The following ZNF541 variants were observed in gnomAD, a reference collection of about 807,000 sequenced individuals.
The protein encoded by ZNF541 is zinc finger protein 541.
In ZNF541, 23 loss-of-function variants were observed where a neutral mutation model predicts 123.5. That is an observed-to-expected ratio of 0.19 (90% CI 0.13 to 0.26). The LOEUF is 0.26. ZNF541 is among the 10% of genes least tolerant of loss of function. The probability of loss-of-function intolerance (pLI) is 1.00; values close to 1 mark genes in which losing one functional copy is unlikely to be tolerated. For synonymous variants in ZNF541, 751 were observed against 754.5 expected, an observed-to-expected ratio of 1.00 and a Z score of 0.08; for missense variants, 1,612 against 1,789.9, an observed-to-expected ratio of 0.90 and a Z score of 1.79.
rs1466510775 is a variant in ZNF541, at chr19:47,521,245, G to A, written c.4020C>T (p.Asp1340=). Residue 1340 remains aspartate (D), a synonymous_variant, in exon 17 of 17, where the codon GAC becomes GAT. Coordinates refer to ENST00000391901, the MANE Select transcript of ZNF541 (RefSeq NM_001277075.3). The surrounding 1 kb of genome is among the most constrained non-coding windows in gnomAD (Gnocchi z 4.2). ...FQLKEEELGA[D]IGPLQW is the part of the protein sequence containing the mutation. ...GGAGTCACCACTGCAGGGGGCCGATGTCAGCTCCCAGCTCCTCTTCCTTTA... is the reference window on the plus strand; with the variant it reads ...GGAGTCACCACTGCAGGGGGCCGATATCAGCTCCCAGCTCCTCTTCCTTTA... 1.9e-6 allele frequency: 3 copies of A among 1,551,622 alleles called. No individual in the cohort carries two copies. The highest frequency in any genetic ancestry group is 3.9e-5 in the Admixed American group (2 of 50,986).
At chr19:47,529,111 A>C (rs1599949909) in intron 13 of ZNF541, 73 bp from the exon 14 acceptor site, 4 of 1,119,600 alleles carry the variant, frequency 3.6e-6, no homozygotes. Flanking sequence ...AATGCAGACC[A>C]CCTTCCCATT....
chr19:47,550,881 C>T (rs947266887), intron 3 of ZNF541, among the ~76,000 whole-genome samples: 1 of 152,160 alleles, frequency 6.6e-6, no homozygotes, highest in Admixed American at 6.6e-5. Context: ...TGACCTCACA[C>T]CACTGGAAAC....
chr19:47,529,063 G>A (rs1279259423), intron 13 of ZNF541, 25 bp from the exon 14 acceptor site: 2 of 1,525,728 alleles, frequency 1.3e-6, no homozygotes, highest in South Asian at 1.2e-5. Flanking sequence ...AGCCAACAGG[G>A]GGAAGGCCAT....
chr19:47,522,275 T>G (rs377602030), intron 14 of ZNF541, among the ~76,000 whole-genome samples: 1 of 152,204 alleles, frequency 6.6e-6, no homozygotes, highest in Non-Finnish European at 1.5e-5. Flanking sequence ...GGCACAAAGG[T>G]TGCACCAGGG....
At chr19:47,557,201 G>T (rs564977473) in intron 2 of ZNF541, among the ~76,000 whole-genome samples, 1 of 152,178 alleles carries the variant, frequency 6.6e-6, no homozygotes, top group African/African-American at 2.4e-5. Context: ...CTGCCCTGCC[G>T]TCTGGGACCT....
At chr19:47,532,069 C>A (rs1969598552) in intron 11 of ZNF541, 59 bp downstream of exon 11, 2 of 1,540,610 alleles carry the variant, frequency 1.3e-6, no homozygotes, top group African/African-American at 2.7e-5. Flanking sequence ...AGGAAAAACA[C>A]CCTGGAAATG....
Position 47,571,902 on chromosome 19 carries a change from A to G in ZNF541, c.-105T>C, listed in dbSNP as rs569345427. On this transcript the variant is annotated 5_prime_UTR_variant, in exon 2 of 17. Coordinates refer to ENST00000391901, the MANE Select transcript of ZNF541 (RefSeq NM_001277075.3). Reference sequence around the variant, plus strand: ...GCAAAGGAAGGAAACTCACCAGAAGAGCAAGTTAGTGAATCTCCAGGGAAC... The same window carrying G: ...GCAAAGGAAGGAAACTCACCAGAAGGGCAAGTTAGTGAATCTCCAGGGAAC... 3.9e-5 allele frequency among the ~76,000 whole-genome samples: 6 copies of G among 152,336 alleles called. No individual in the cohort carries two copies. In the South Asian group the frequency reaches 1.0e-3, roughly 26 times the overall value.
chr19:47,543,392 T>C (rs1464730734), intron 5 of ZNF541, among the ~76,000 whole-genome samples: 1 of 152,008 alleles, frequency 6.6e-6, no homozygotes, highest in Non-Finnish European at 1.5e-5. Flanking sequence ...AACCAGTGAA[T>C]AATTATCAAT....
chr19:47,568,771 CAA>C lies in ZNF541; in HGVS notation c.-99+3123_-99+3124del, dbSNP rs143053146. ...CATTGCAACCTCCGCCTCCTGGGTTCAAGTGATTTTCCTCCTCAACCTTCCGA... is the reference window on the plus strand; with the variant it reads ...CATTGCAACCTCCGCCTCCTGGGTTCGTGATTTTCCTCCTCAACCTTCCGA... On this transcript the variant is annotated intron_variant, in intron 2 of 16. Coordinates refer to ENST00000391901, the MANE Select transcript of ZNF541 (RefSeq NM_001277075.3). 5.4e-3 allele frequency among the ~76,000 whole-genome samples: 829 copies of C among 152,216 alleles called. 5 individuals are homozygous for C. The highest frequency in any genetic ancestry group is 9.5e-3 in the Non-Finnish European group (643 of 68,018).
chr19:47,522,370 C>A (rs573561808), intron 14 of ZNF541, among the ~76,000 whole-genome samples: 32 of 148,150 alleles, frequency 2.2e-4, no homozygotes, highest in African/African-American at 8.3e-4. Flanking sequence ...CTAGGCAGAG[C>A]CTCTAAAGTC....
chr19:47,554,232 A>T (rs1970721784), intron 3 of ZNF541, among the ~76,000 whole-genome samples: 2 of 152,164 alleles, frequency 1.3e-5, no homozygotes, highest in Non-Finnish European at 2.9e-5. Context: ...TCAGTTCGAG[A>T]CCAGACTGGG....
chr19:47,547,564 T>A (rs1426860606), intron 4 of ZNF541, among the ~76,000 whole-genome samples: 1 of 152,106 alleles, frequency 6.6e-6, no homozygotes, highest in African/African-American at 2.4e-5. Context: ...GAGACCTAAG[T>A]TCTACCCCCA....
intron 12 of ZNF541, 99 bp from the exon 13 acceptor site, chr19:47,529,751 AAG>A: frequency 8.7e-7 from 1 of 1,145,810 alleles, no homozygotes; most frequent in Non-Finnish European, 1.3e-6. Flanking sequence ...GCTGTCCCTG[AAG>A]ACACTGCCTG....
chr19:47,553,416 T>G (rs1350462796), intron 3 of ZNF541, among the ~76,000 whole-genome samples: 1 of 149,034 alleles, frequency 6.7e-6, no homozygotes, highest in Non-Finnish European at 1.5e-5. Context: ...TTCTTTTTTT[T>G]TTTTTTTTTT....
chr19:47,560,358 C>G (rs977971674), intron 2 of ZNF541, among the ~76,000 whole-genome samples: 4 of 151,864 alleles, frequency 2.6e-5, no homozygotes, highest in African/African-American at 9.7e-5. Flanking sequence ...GGTGAATCAC[C>G]TGACATCAGG....
intron 3 of ZNF541, 71 bp from the exon 4 acceptor site, chr19:47,549,556 C>A: frequency 6.5e-7 from 1 of 1,534,724 alleles, no homozygotes; most frequent in Non-Finnish European, 8.8e-7. Flanking sequence ...CTAAGGCACT[C>A]TACACCTCTT....
Position 47,538,457 on chromosome 19 carries a change from C to G in ZNF541, c.2797-18G>C, listed in dbSNP as rs1599981558. 6.8e-7 allele frequency: 1 copy of G among 1,473,406 alleles called. No individual in the cohort carries two copies. The highest frequency in any genetic ancestry group is 1.4e-5 in the African/African-American group (1 of 70,494). 91.3% of individuals were successfully genotyped at this position (1,473,406 alleles called of 1,614,324 possible). A position where few individuals can be genotyped will look rare whatever the true frequency, so the allele number is the denominator to read the frequency against. ...TCTTGTCCCTGAAGAAGTTTAGAACCACAGGTGGTCGCCTGAAGCCACCTA... is the reference window on the plus strand; with the variant it reads ...TCTTGTCCCTGAAGAAGTTTAGAACGACAGGTGGTCGCCTGAAGCCACCTA... On this transcript the variant is annotated intron_variant, in intron 8 of 16. Transcript: ENST00000391901.
intron 2 of ZNF541, among the ~76,000 whole-genome samples, chr19:47,567,935 G>A (rs542074368): frequency 2.1e-4 from 32 of 152,282 alleles, no homozygotes; most frequent in African/African-American, 7.5e-4. Flanking sequence ...ACAAGCACTT[G>A]TGTAACAATC....
chr19:47,552,742 C>CAAAAAAA lies in ZNF541; in HGVS notation c.307+2801_307+2807dup, dbSNP rs573248609. On this transcript the variant is annotated intron_variant, in intron 3 of 16. Coordinates refer to ENST00000391901, the MANE Select transcript of ZNF541 (RefSeq NM_001277075.3). ...TGGGCGATAGAGCGAGACTCCATCT[C>CAAAAAAA]AAAAAAAAAAAAAAAAAAAAAAAAA... is the stretch of plus-strand genomic sequence containing the variant. Among the ~76,000 whole-genome samples, 29 of 26,118 alleles carry CAAAAAAA rather than the reference C, an allele frequency of 1.1e-3. 4 individuals carry two copies. The highest frequency in any genetic ancestry group is 5.1e-3 in the East Asian group (2 of 396). 17.1% of individuals were successfully genotyped at this position (26,118 alleles called of 152,430 possible). A position where few individuals can be genotyped will look rare whatever the true frequency, so the allele number is the denominator to read the frequency against.
Sources: gnomAD v4.1 joint callset for allele counts (sites outside exome capture counted in the v4.1 genomes callset) on GRCh38, gnomAD v4.1.1 for gene constraint, Gnocchi (gnomAD v3.1) non-coding constraint, MANE v1.5 for transcripts, NCBI Gene and HGNC (gene_info 2026-07-23, HGNC 2026-07-21) for gene names.